Variants in AK5 observed in about 807,000 individuals in gnomAD.
AK5 encodes the protein adenylate kinase 5.
Under a neutral mutation model 69.5 loss-of-function variants are expected in AK5, and 27 were observed. That is an observed-to-expected ratio of 0.39 (90% CI 0.29 to 0.54). The LOEUF (loss-of-function observed/expected upper bound fraction) is 0.54. AK5 is among the 20% of genes least tolerant of loss of function. The pLI is 0.71. For missense variants in AK5, 531 were observed against 700.4 expected, an observed-to-expected ratio of 0.76 and a Z score of 2.73; for synonymous variants, 260 against 244.4, an observed-to-expected ratio of 1.06 and a Z score of -0.60.
chr1:77,525,484 G>A (rs369509083), intron 12 of AK5, among the ~76,000 whole-genome samples: 250 of 152,318 alleles, frequency 1.6e-3, no homozygotes, highest in African/African-American at 5.5e-3. Flanking sequence ...CACTCACAGC[G>A]GAAGGTGAGG....
chr1:77,295,491 C>T (rs1658943580), intron 3 of AK5, among the ~76,000 whole-genome samples: 1 of 152,200 alleles, frequency 6.6e-6, no homozygotes, highest in Non-Finnish European at 1.5e-5. Context: ...ATGGTAGCCG[C>T]TGTTACGCCA....
chr1:77,500,962 A>G (rs1570268217), intron 10 of AK5, among the ~76,000 whole-genome samples: 1 of 152,180 alleles, frequency 6.6e-6, no homozygotes, highest in Admixed American at 6.5e-5. Flanking sequence ...CAGAGCCCAT[A>G]CAGCGCAGTG....
intron 13 of AK5, among the ~76,000 whole-genome samples, chr1:77,549,642 C>G (rs1051281242): frequency 2.6e-5 from 4 of 152,126 alleles, no homozygotes; most frequent in Non-Finnish European, 5.9e-5. Context: ...CTATCTGTCT[C>G]CATGAGTTCA....
chr1:77,532,907 G>A (rs1413929597), intron 12 of AK5, among the ~76,000 whole-genome samples: 3 of 152,232 alleles, frequency 2.0e-5, no homozygotes, highest in East Asian at 3.8e-4. Context: ...CCACAGTCCG[G>A]TGAAAACAAG....
chr1:77,350,619 T>A (rs1662141852), intron 6 of AK5, among the ~76,000 whole-genome samples: 1 of 152,196 alleles, frequency 6.6e-6, no homozygotes, highest in African/African-American at 2.4e-5. Flanking sequence ...TACTTCTCCA[T>A]ATGGCAGATC....
intron 6 of AK5, among the ~76,000 whole-genome samples, chr1:77,402,857 T>C (rs1015778909): frequency 1.3e-5 from 2 of 152,226 alleles, no homozygotes; most frequent in Non-Finnish European, 2.9e-5. Flanking sequence ...TCTAGATCCC[T>C]GAGGAATCGC....
chr1:77,438,316 A>C (rs865774078), intron 8 of AK5, among the ~76,000 whole-genome samples: 3,946 of 144,708 alleles, frequency 0.027, 215 homozygotes, highest in African/African-American at 0.096. Flanking sequence ...AAAAAAAAAA[A>C]AAAAAAAACA....
intron 8 of AK5, among the ~76,000 whole-genome samples, chr1:77,423,233 A>AAG (rs1650967097): frequency 6.9e-6 from 1 of 145,514 alleles, no homozygotes; most frequent in Non-Finnish European, 1.5e-5. Flanking sequence ...AAAAAAAATA[A>AAG]AAAAAAAAGA....
At chr1:77,286,852 A>C in intron 1 of AK5, 89 bp from the exon 2 acceptor site, 1 of 879,740 alleles carries the variant, frequency 1.1e-6, no homozygotes, top group Non-Finnish European at 1.5e-6. Context: ...ATTTCAAAAA[A>C]ATTAATTAAT....
intron 10 of AK5, among the ~76,000 whole-genome samples, chr1:77,499,909 T>G (rs1376955164): frequency 7.5e-6 from 1 of 132,820 alleles, no homozygotes; most frequent in Non-Finnish European, 1.5e-5. Flanking sequence ...TTTGGTTTGC[T>G]TCTGCAGCAC....
At chr1:77,329,811 C>T (rs566915571) in intron 5 of AK5, among the ~76,000 whole-genome samples, 2 of 152,216 alleles carry the variant, frequency 1.3e-5, no homozygotes, top group East Asian at 1.9e-4. Flanking sequence ...CTCAGGTTGC[C>T]GTGCTATTGT....
At chr1:77,499,757 AC>A (rs950385649) in intron 10 of AK5, among the ~76,000 whole-genome samples, 1 of 150,182 alleles carries the variant, frequency 6.7e-6, no homozygotes, top group Non-Finnish European at 1.5e-5. Context: ...TCCTAGAGAG[AC>A]CCCTTGGGAA....
At chr1:77,401,859 T>TA in intron 6 of AK5, among the ~76,000 whole-genome samples, 1 of 152,324 alleles carries the variant, frequency 6.6e-6, no homozygotes, top group African/African-American at 2.4e-5. Flanking sequence ...TTATTCAAAT[T>TA]AAAACATGTG....
At chr1:77,383,314 A>T (rs1359105880) in intron 6 of AK5, among the ~76,000 whole-genome samples, 2 of 152,184 alleles carry the variant, frequency 1.3e-5, no homozygotes, top group Non-Finnish European at 2.9e-5. Context: ...TATCTATATT[A>T]TTAAGGATTC....
At chr1:77,515,262 C>CT (rs1657570794) in intron 10 of AK5, among the ~76,000 whole-genome samples, 1 of 152,148 alleles carries the variant, frequency 6.6e-6, no homozygotes, top group Non-Finnish European at 1.5e-5. Flanking sequence ...AAAACTCAGA[C>CT]CTTTCCTGGA....
At chr1:77,402,814 A>C (rs982524590) in intron 6 of AK5, among the ~76,000 whole-genome samples, 11 of 152,170 alleles carry the variant, frequency 7.2e-5, no homozygotes, top group Non-Finnish European at 1.6e-4. Flanking sequence ...TATACCCAGT[A>C]ATGGGATGGC....
chr1:77,299,255 G>A lies in AK5; in HGVS notation c.699+1308G>A, dbSNP rs79739530. On this transcript the variant is annotated intron_variant, in intron 5 of 13. Transcript: ENST00000354567. ...TAAGTATATTTTCATACACTCATTG[G>A]CCATGTGTATTTCTTCCTTATGTGA... Among the ~76,000 whole-genome samples the A allele has an allele frequency of 5.9e-4, 79 of 133,772 alleles. 3 individuals are homozygous for A. The East Asian group carries it at 0.017, about 28-fold the overall frequency. The allele number at this position is 133,772 out of a possible 152,430, so 87.8% of individuals were successfully genotyped here. A position where few individuals can be genotyped will look rare whatever the true frequency, so the allele number is the denominator to read the frequency against.
intron 9 of AK5, among the ~76,000 whole-genome samples, chr1:77,483,802 C>T (rs746596080): frequency 6.6e-6 from 1 of 152,090 alleles, no homozygotes; most frequent in African/African-American, 2.4e-5. Context: ...TACTATTCCA[C>T]GTGTACCTTT....
At chr1:77,456,580 C>T (rs1284395645) in intron 8 of AK5, among the ~76,000 whole-genome samples, 2 of 152,210 alleles carry the variant, frequency 1.3e-5, no homozygotes, top group Non-Finnish European at 2.9e-5. Flanking sequence ...AAGGCACAGA[C>T]TTAAAAGAAC....
Sources: gnomAD v4.1 joint callset for allele counts (sites outside exome capture counted in the v4.1 genomes callset) on GRCh38, gnomAD v4.1.1 for gene constraint, MANE v1.5 for transcripts, NCBI Gene and HGNC (gene_info 2026-07-23, HGNC 2026-07-21) for gene names.